The following SNTG1 variants were observed in gnomAD, a reference collection of about 807,000 sequenced individuals.
SNTG1 encodes the protein syntrophin gamma 1.
In SNTG1, 39 loss-of-function variants were observed where a neutral mutation model predicts 74.7. The ratio of observed to expected loss-of-function variants is 0.52; its 90% confidence interval spans 0.40 to 0.68. SNTG1 has a LOEUF of 0.68. Ranked by LOEUF, SNTG1 falls within the 30% of genes least tolerant of loss-of-function variation. The probability of loss-of-function intolerance (pLI) is 0.00; values close to 1 mark genes in which losing one functional copy is unlikely to be tolerated. For missense variants in SNTG1, 685 were observed against 609.5 expected, an observed-to-expected ratio of 1.12 and a Z score of -1.30; for synonymous variants, 254 against 217.1, an observed-to-expected ratio of 1.17 and a Z score of -1.49.
At chr8:49,948,466 C>A (rs1397173237) in intron 1 of SNTG1, among the ~76,000 whole-genome samples, 6 of 152,196 alleles carry the variant, frequency 3.9e-5, no homozygotes, top group Non-Finnish European at 8.8e-5. Flanking sequence ...ATTTTTCTCT[C>A]ATGACCCTTG....
chr8:50,397,370 G>C (rs1182811286), intron 3 of SNTG1, among the ~76,000 whole-genome samples: 1 of 152,066 alleles, frequency 6.6e-6, no homozygotes, highest in East Asian at 1.9e-4. Context: ...AAACAATTTG[G>C]GTCCACAGAT....
chr8:50,283,272 C>A (rs1234500106), intron 2 of SNTG1, among the ~76,000 whole-genome samples: 2 of 152,148 alleles, frequency 1.3e-5, no homozygotes, highest in Admixed American at 1.3e-4. Context: ...TCAGGAAATT[C>A]TTACCTAGTT....
At chr8:49,978,746 T>C (rs936519921) in intron 1 of SNTG1, among the ~76,000 whole-genome samples, 2 of 152,192 alleles carry the variant, frequency 1.3e-5, no homozygotes, top group East Asian at 1.9e-4. Context: ...GGGCAGTTAC[T>C]TGTTTCCCTC....
At chr8:50,650,464 T>C (rs1256917855) in intron 13 of SNTG1, among the ~76,000 whole-genome samples, 3 of 152,160 alleles carry the variant, frequency 2.0e-5, no homozygotes, top group Non-Finnish European at 2.9e-5. Flanking sequence ...ATAAATTAAG[T>C]TGGGACTGAT....
intron 13 of SNTG1, among the ~76,000 whole-genome samples, chr8:50,652,620 A>G (rs2131244263): frequency 6.6e-6 from 1 of 152,222 alleles, no homozygotes; most frequent in East Asian, 1.9e-4. Flanking sequence ...AACATGGTGA[A>G]AACCCGCCTC....
intron 2 of SNTG1, among the ~76,000 whole-genome samples, chr8:50,210,632 T>C (rs974338350): frequency 1.3e-5 from 2 of 152,126 alleles, no homozygotes; most frequent in South Asian, 4.1e-4. Flanking sequence ...CAAACTAAGC[T>C]TCATAAGTGA....
intron 2 of SNTG1, among the ~76,000 whole-genome samples, chr8:50,300,937 C>G (rs889243542): frequency 2.0e-5 from 3 of 152,038 alleles, no homozygotes; most frequent in Admixed American, 2.0e-4. Context: ...AGTAAGAGAG[C>G]TATATTGTGG....
chr8:50,185,382 T>C (rs2083343017), intron 2 of SNTG1, among the ~76,000 whole-genome samples: 1 of 152,208 alleles, frequency 6.6e-6, no homozygotes, highest in African/African-American at 2.4e-5. Context: ...TAAACCTTTT[T>C]CTTTATAAGG....
chr8:50,316,971 T>C (rs2090341250), intron 2 of SNTG1, among the ~76,000 whole-genome samples: 2 of 152,214 alleles, frequency 1.3e-5, no homozygotes, highest in African/African-American at 4.8e-5. Flanking sequence ...GTTCAAGATT[T>C]CACTGCTAAA....
At chr8:50,466,766 G>A (rs933228752) in intron 8 of SNTG1, among the ~76,000 whole-genome samples, 13 of 151,800 alleles carry the variant, frequency 8.6e-5, no homozygotes, top group African/African-American at 3.1e-4. Flanking sequence ...TTTTGACCCA[G>A]GTACATCAAT....
At chr8:50,310,400 G>A (rs916127852) in intron 2 of SNTG1, among the ~76,000 whole-genome samples, 1 of 152,134 alleles carries the variant, frequency 6.6e-6, no homozygotes, top group Non-Finnish European at 1.5e-5. Context: ...TTTAATATAA[G>A]TATCCTGGCT....
chr8:50,229,520 T>A (rs1220944684), intron 2 of SNTG1, among the ~76,000 whole-genome samples: 6 of 151,570 alleles, frequency 4.0e-5, no homozygotes, highest in Non-Finnish European at 8.9e-5. Context: ...GGAATAATGA[T>A]CCGTTTTACA....
chr8:50,042,712 A>G (rs1403673927), intron 1 of SNTG1, among the ~76,000 whole-genome samples: 1 of 150,046 alleles, frequency 6.7e-6, no homozygotes, highest in Non-Finnish European at 1.5e-5. Flanking sequence ...ACATGCTGAC[A>G]TGCCTGGCTA....
At chr8:50,662,917 A>T (rs2095231832) in intron 15 of SNTG1, among the ~76,000 whole-genome samples, 2 of 152,206 alleles carry the variant, frequency 1.3e-5, no homozygotes, top group South Asian at 4.1e-4. Context: ...AGTACCTTCT[A>T]TGTGCCAAGC....
chr8:50,494,585 C>A (rs2093887367), intron 8 of SNTG1, among the ~76,000 whole-genome samples: 1 of 151,916 alleles, frequency 6.6e-6, no homozygotes, highest in Admixed American at 6.6e-5. Context: ...TTGAGCTACT[C>A]ATTTGGCCAC....
chr8:50,055,257 A>T (rs952445795), intron 1 of SNTG1, among the ~76,000 whole-genome samples: 2 of 151,998 alleles, frequency 1.3e-5, no homozygotes, highest in Non-Finnish European at 2.9e-5. Context: ...CTCCCTTAAG[A>T]CTTTATAGTA....
chr8:50,638,337 A>G (rs2095051840), intron 13 of SNTG1, among the ~76,000 whole-genome samples: 1 of 152,150 alleles, frequency 6.6e-6, no homozygotes. Context: ...TACAACCACA[A>G]TAGGAAATGA....
intron 1 of SNTG1, among the ~76,000 whole-genome samples, chr8:49,998,587 GACAC>G (rs56162374): frequency 0.052 from 7,058 of 136,840 alleles, 516 homozygotes; most frequent in African/African-American, 0.17. Flanking sequence ...TAAAAATTAA[GACAC>G]ACACACACAC....
intron 13 of SNTG1, among the ~76,000 whole-genome samples, chr8:50,652,757 A>G (rs1485725731): frequency 6.6e-6 from 1 of 152,124 alleles, no homozygotes; most frequent in African/African-American, 2.4e-5. Context: ...AGATCACACC[A>G]CTGTACTCCA....
Sources: gnomAD v4.1 joint callset for allele counts (sites outside exome capture counted in the v4.1 genomes callset) on GRCh38, gnomAD v4.1.1 for gene constraint, MANE v1.5 for transcripts, NCBI Gene and HGNC (gene_info 2026-07-23, HGNC 2026-07-21) for gene names.